The following NWD2 variants were observed in gnomAD, a reference collection of about 807,000 sequenced individuals.
NWD2 encodes the protein NACHT and WD repeat domain containing 2.
In NWD2, 37 loss-of-function variants were observed where a neutral mutation model predicts 132.7. That is an observed-to-expected ratio of 0.28 (90% CI 0.21 to 0.37). The LOEUF is 0.37. NWD2 is among the 10% of genes least tolerant of loss of function. The probability of loss-of-function intolerance (pLI) is 1.00; values close to 1 mark genes in which losing one functional copy is unlikely to be tolerated. For synonymous variants in NWD2, 705 were observed against 803.0 expected (o/e 0.88, Z 2.06); for missense variants, 1,592 against 2,122.4 (o/e 0.75, Z 4.91).
intron 1 of NWD2, among the ~76,000 whole-genome samples, chr4:37,314,470 T>C (rs1718917432): frequency 6.6e-6 from 1 of 152,226 alleles, no homozygotes; most frequent in South Asian, 2.1e-4. Context: ...ATTCAGATTA[T>C]CTTTCTTCCT....
intron 1 of NWD2, among the ~76,000 whole-genome samples, chr4:37,304,563 C>T (rs1386541813): frequency 1.3e-5 from 2 of 152,162 alleles, no homozygotes; most frequent in African/African-American, 4.8e-5. Flanking sequence ...AGTGGGGGTA[C>T]AGGCATTGGG....
chr4:37,438,272 A>G (rs1275715612), intron 5 of NWD2, among the ~76,000 whole-genome samples: 1 of 152,064 alleles, frequency 6.6e-6, no homozygotes, highest in African/African-American at 2.4e-5. Flanking sequence ...ACAAAAAAAA[A>G]AAAAGAAAAA....
chr4:37,342,163 C>T (rs1338563664), intron 2 of NWD2, among the ~76,000 whole-genome samples: 6 of 152,124 alleles, frequency 3.9e-5, no homozygotes, highest in Admixed American at 6.5e-5. Flanking sequence ...AGAGGCGAAT[C>T]CTTCTTGAAC....
chr4:37,277,942 A>G (rs1718055760), intron 1 of NWD2, among the ~76,000 whole-genome samples: 1 of 152,080 alleles, frequency 6.6e-6, no homozygotes, highest in South Asian at 2.1e-4. Flanking sequence ...CTGCAGTATG[A>G]TTCCACTGAT....
intron 3 of NWD2, among the ~76,000 whole-genome samples, chr4:37,360,678 C>A (rs546281638): frequency 3.3e-5 from 5 of 152,152 alleles, no homozygotes; most frequent in Admixed American, 1.3e-4. Context: ...TCTCCCCCAC[C>A]TACTTGTCGC....
chr4:37,417,964 TA>T lies in NWD2; in HGVS notation c.358-12606del, dbSNP rs200223884. Among the ~76,000 whole-genome samples, 1,186 of 152,268 alleles carry T rather than the reference TA, an allele frequency of 7.8e-3. 14 individuals are homozygous for T. The highest frequency in any genetic ancestry group is 0.027 in the African/African-American group (1,104 of 41,562). On this transcript the variant is annotated intron_variant, in intron 3 of 6. Transcript: ENST00000309447. ...ATACAGAGGTTAGTATATGCACATATAATTATTTGCTCCGTCAATAGAGGGG... is the reference window on the plus strand; with the variant it reads ...ATACAGAGGTTAGTATATGCACATATATTATTTGCTCCGTCAATAGAGGGG...
At chr4:37,286,563 T>A (rs2109270317) in intron 1 of NWD2, among the ~76,000 whole-genome samples, 1 of 152,320 alleles carries the variant, frequency 6.6e-6, no homozygotes, top group Non-Finnish European at 1.5e-5. Flanking sequence ...AAAATCAGTG[T>A]TGGGGTCAGT....
chr4:37,281,412 T>G (rs1261318503), intron 1 of NWD2, among the ~76,000 whole-genome samples: 2 of 152,020 alleles, frequency 1.3e-5, no homozygotes, highest in Non-Finnish European at 2.9e-5. Flanking sequence ...AAAGGTAAGA[T>G]AAAGACTCAA....
chr4:37,283,132 A>C (rs189207364), intron 1 of NWD2, among the ~76,000 whole-genome samples: 7 of 152,194 alleles, frequency 4.6e-5, no homozygotes, highest in Non-Finnish European at 1.0e-4. Context: ...TTTCTACTGA[A>C]CTCACCTTAA....
chr4:37,297,164 G>C (rs1443396731), intron 1 of NWD2, among the ~76,000 whole-genome samples: 1 of 151,364 alleles, frequency 6.6e-6, no homozygotes, highest in Non-Finnish European at 1.5e-5. Flanking sequence ...ATTGATTCCA[G>C]GATCCCTCAC....
At chr4:37,388,116 T>G (rs1720602014) in intron 3 of NWD2, among the ~76,000 whole-genome samples, 1 of 152,154 alleles carries the variant, frequency 6.6e-6, no homozygotes. Context: ...TTGTACCATA[T>G]GGGCTTGCGA....
At chr4:37,405,529 A>G (rs1455220413) in intron 3 of NWD2, among the ~76,000 whole-genome samples, 1 of 152,180 alleles carries the variant, frequency 6.6e-6, no homozygotes, top group African/African-American at 2.4e-5. Context: ...AAAGTTAACA[A>G]TTATTTGGTG....
intron 2 of NWD2, among the ~76,000 whole-genome samples, chr4:37,341,110 C>T (rs182492653): frequency 1.4e-3 from 208 of 152,364 alleles, no homozygotes; most frequent in Middle Eastern, 0.01. Flanking sequence ...TCAGTAGAAA[C>T]TGCACTTCAA....
intron 1 of NWD2, among the ~76,000 whole-genome samples, chr4:37,311,693 A>G (rs189805713): frequency 5.4e-5 from 8 of 148,830 alleles, no homozygotes. Context: ...TTAAACATGA[A>G]GTCCTTGCCC....
chr4:37,448,135 GCAGTTAGTCTT>G lies in NWD2; in HGVS notation c.*921_*931del, dbSNP rs1712686631. 6.6e-6 allele frequency: 1 copy of G among 152,118 alleles called. No homozygotes were observed. Among genetic ancestry groups the G allele is most frequent in the African/African-American group, 2.4e-5 (1 of 41,402 alleles). The allele number at this position is 152,118 out of a possible 1,614,324, so 9.4% of individuals were successfully genotyped here. On this transcript the variant is annotated 3_prime_UTR_variant, in exon 7 of 7. Transcript: ENST00000309447. ...AAGCATAAATATTCCCTAAATTCCT[GCAGTTAGTCTT>G]CATAGAAAGCAAGCTTTCTCAACAT...
Position 37,445,774 on chromosome 4 carries a change from C to T in NWD2, c.3786C>T (p.Asp1262=), listed in dbSNP as rs1484344919. The change falls in exon 7 of 7, where the codon GAC becomes GAT. Residue 1262 remains aspartate, a synonymous_variant. Coordinates refer to ENST00000309447, the MANE Select transcript of NWD2 (RefSeq NM_001144990.2). This position sits in a 1 kb window ranked among gnomAD's most constrained non-coding sequence, Gnocchi z 4.7. The part of the protein sequence containing the change: ...NTSAVFFWRR[D]TGQCMASLQE... ...CAGCTGTGTTTTTTTGGAGGCGGGACACAGGACAGTGTATGGCAAGCTTGC... is the reference window on the plus strand; with the variant it reads ...CAGCTGTGTTTTTTTGGAGGCGGGATACAGGACAGTGTATGGCAAGCTTGC... 2.6e-6 allele frequency: 4 copies of T among 1,551,792 alleles called. No homozygotes were observed. In the Admixed American group the frequency reaches 7.8e-5, roughly 30 times the overall value.
At chr4:37,436,093 G>C (rs1712314500) in intron 5 of NWD2, among the ~76,000 whole-genome samples, 1 of 151,856 alleles carries the variant, frequency 6.6e-6, no homozygotes, top group African/African-American at 2.4e-5. Context: ...GCCCTTCTGA[G>C]AACATCAAAA....
At chr4:37,410,070 C>A (rs924103331) in intron 3 of NWD2, among the ~76,000 whole-genome samples, 2 of 152,168 alleles carry the variant, frequency 1.3e-5, no homozygotes, top group Non-Finnish European at 2.9e-5. Context: ...TTGTAAAGAA[C>A]ATCAACACTG....
At chr4:37,335,587 A>G (rs1719390941) in intron 2 of NWD2, among the ~76,000 whole-genome samples, 1 of 152,170 alleles carries the variant, frequency 6.6e-6, no homozygotes, top group East Asian at 1.9e-4. Flanking sequence ...GCCACATGGC[A>G]GGAGGTGAGC....
Sources: allele counts gnomAD v4.1 joint callset (sites outside exome capture counted in the v4.1 genomes callset), GRCh38; gene constraint gnomAD v4.1.1; non-coding constraint Gnocchi (gnomAD v3.1); transcripts MANE v1.5; gene names NCBI Gene and HGNC (gene_info 2026-07-23, HGNC 2026-07-21).